The following CTNND2 variants were observed in gnomAD, a reference collection of about 807,000 sequenced individuals.
CTNND2 encodes the protein catenin delta-2.
CTNND2 carries 22 observed loss-of-function variants against 144.4 expected under a neutral mutation model. The ratio of observed to expected loss-of-function variants is 0.15; its 90% confidence interval spans 0.11 to 0.22. The LOEUF is 0.22. Among genes scored for constraint, CTNND2 ranks in the 10% least tolerant of loss-of-function variants. The probability of loss-of-function intolerance (pLI) is 1.00; values close to 1 mark genes in which losing one functional copy is unlikely to be tolerated. For synonymous variants in CTNND2, 751 were observed against 695.6 expected, an observed-to-expected ratio of 1.08 and a Z score of -1.25; for missense variants, 1,353 against 1,618.8, an observed-to-expected ratio of 0.84 and a Z score of 2.82.
chr5:11,353,060 GTCTTT>G (rs1169640341), intron 8 of CTNND2, among the ~76,000 whole-genome samples: 2 of 135,820 alleles, frequency 1.5e-5, no homozygotes, highest in African/African-American at 5.6e-5. Flanking sequence ...ATGATACACA[GTCTTT>G]TTTTTTTTTT....
intron 3 of CTNND2, among the ~76,000 whole-genome samples, chr5:11,552,070 C>T (rs114293247): frequency 0.011 from 1,666 of 152,308 alleles, 28 homozygotes; most frequent in African/African-American, 0.036. Flanking sequence ...GCCCTGCTGC[C>T]TCTGTCTTTA....
chr5:11,104,124 C>T (rs1752181060), intron 14 of CTNND2, among the ~76,000 whole-genome samples: 1 of 152,202 alleles, frequency 6.6e-6, no homozygotes, highest in South Asian at 2.1e-4. Flanking sequence ...GCGGAATGCA[C>T]CTCTATCACC....
chr5:11,720,287 GT>G (rs1786596496), intron 2 of CTNND2, among the ~76,000 whole-genome samples: 1 of 152,112 alleles, frequency 6.6e-6, no homozygotes, highest in Non-Finnish European at 1.5e-5. Context: ...CACTAGCAAT[GT>G]AAACCCCAAA....
chr5:11,002,693 C>T (rs1015303879), intron 18 of CTNND2, among the ~76,000 whole-genome samples: 3 of 152,178 alleles, frequency 2.0e-5, no homozygotes, highest in Non-Finnish European at 4.4e-5. Context: ...TCTGACCCTG[C>T]TCCTGGAAGA....
At chr5:11,837,869 T>C (rs1385089682) in intron 1 of CTNND2, among the ~76,000 whole-genome samples, 2 of 152,196 alleles carry the variant, frequency 1.3e-5, no homozygotes, top group Non-Finnish European at 2.9e-5. Context: ...TAGGTCATTT[T>C]TGGAGAAGAA....
chr5:11,691,373 AAAAATAAAATAAAAT>A (rs376221473), intron 2 of CTNND2, among the ~76,000 whole-genome samples: 38 of 146,322 alleles, frequency 2.6e-4, no homozygotes, highest in East Asian at 6.0e-4. Context: ...CTCTGTCTCA[AAAAATAAAATAAAAT>A]AAAATAAAAT....
chr5:11,236,956 T>C, intron 9 of CTNND2, 133 bp from the exon 10 acceptor site: 1 of 891,124 alleles, frequency 1.1e-6, no homozygotes, highest in South Asian at 1.7e-5. Flanking sequence ...TCTGGTTTTC[T>C]TACATGCAGA....
chr5:11,519,378 G>C lies in CTNND2; in HGVS notation c.287+45566C>G, dbSNP rs145648245. On this transcript the variant is annotated intron_variant, in intron 3 of 21. Transcript: ENST00000304623. ...GGCTTCCATGTTAGCACTTCCAATA[G>C]GTCTTGATTCATCTTACACATCTTC... Among the ~76,000 whole-genome samples the C allele has an allele frequency of 2.3e-4, 35 of 152,186 alleles. No homozygotes were observed. The East Asian group carries it at 6.8e-3, about 29-fold the overall frequency.
intron 1 of CTNND2, among the ~76,000 whole-genome samples, chr5:11,816,183 C>T (rs2126920257): frequency 6.6e-6 from 1 of 152,326 alleles, no homozygotes; most frequent in South Asian, 2.1e-4. Flanking sequence ...CCACCACGCC[C>T]AGGGCGAGGA....
chr5:11,647,030 T>G (rs1782391793), intron 2 of CTNND2, among the ~76,000 whole-genome samples: 1 of 152,176 alleles, frequency 6.6e-6, no homozygotes, highest in Admixed American at 6.5e-5. Flanking sequence ...CTCCTCCCCT[T>G]CCAGCACTTT....
intron 2 of CTNND2, among the ~76,000 whole-genome samples, chr5:11,660,672 C>A (rs954501097): frequency 2.0e-5 from 3 of 151,996 alleles, no homozygotes; most frequent in East Asian, 1.9e-4. Flanking sequence ...TGACATTGAA[C>A]GTGTTTCAAT....
At chr5:11,495,799 C>T (rs1769876859) in intron 3 of CTNND2, among the ~76,000 whole-genome samples, 2 of 152,132 alleles carry the variant, frequency 1.3e-5, no homozygotes, top group Admixed American at 1.3e-4. Flanking sequence ...AGTTCTGACT[C>T]CAGCAGCTCT....
intron 1 of CTNND2, among the ~76,000 whole-genome samples, chr5:11,739,300 T>G (rs1787866153): frequency 6.6e-6 from 1 of 152,116 alleles, no homozygotes; most frequent in Non-Finnish European, 1.5e-5. Flanking sequence ...CTGGTGGGCC[T>G]CCTGAAAGAT....
intron 1 of CTNND2, among the ~76,000 whole-genome samples, chr5:11,804,665 A>C (rs1791894142): frequency 6.6e-6 from 1 of 152,170 alleles, no homozygotes; most frequent in Admixed American, 6.5e-5. Flanking sequence ...GATGGCAAAA[A>C]ATAAAAATAA....
rs933450859 is a variant in CTNND2 at position 11,447,763 on chromosome 5, A to C, written c.288-35694T>G. Among the ~76,000 whole-genome samples, 4 of 152,202 alleles carry C rather than the reference A, an allele frequency of 2.6e-5. 1 individual carries two copies. The highest frequency in any genetic ancestry group is 5.9e-5 in the Non-Finnish European group (4 of 68,038). Reference sequence around the variant, plus strand: ...AAGTGCATTGCTATTTCAACAACTCAAGTGGTTGTTACAGCCTGAGTAGCA... The same window carrying C: ...AAGTGCATTGCTATTTCAACAACTCCAGTGGTTGTTACAGCCTGAGTAGCA... On this transcript the variant is annotated intron_variant, in intron 3 of 21. Transcript: ENST00000304623.
At chr5:11,850,975 A>T (rs1582002801) in intron 1 of CTNND2, among the ~76,000 whole-genome samples, 1 of 152,348 alleles carries the variant, frequency 6.6e-6, no homozygotes, top group Non-Finnish European at 1.5e-5. Flanking sequence ...TAAGTAAAGC[A>T]GATCACCAGC....
chr5:11,653,307 G>A (rs2466999), intron 2 of CTNND2, among the ~76,000 whole-genome samples: 53,679 of 151,798 alleles, frequency 0.35, 12,109 homozygotes, highest in African/African-American at 0.65. Flanking sequence ...TCTGTTTTTC[G>A]TTTTTTGAGA....
intron 6 of CTNND2, among the ~76,000 whole-genome samples, chr5:11,396,641 C>CT (rs962412314): frequency 6.6e-5 from 10 of 151,910 alleles, no homozygotes; most frequent in South Asian, 4.2e-4. Flanking sequence ...CAATCCCATG[C>CT]TTTTTTTTAG....
intron 1 of CTNND2, among the ~76,000 whole-genome samples, chr5:11,797,696 A>G (rs1791472090): frequency 6.6e-6 from 1 of 152,224 alleles, no homozygotes; most frequent in African/African-American, 2.4e-5. Context: ...AAACTTCTCA[A>G]CAAATGTTTG....
Sources: gnomAD v4.1 joint callset for allele counts (sites outside exome capture counted in the v4.1 genomes callset) on GRCh38, gnomAD v4.1.1 for gene constraint, MANE v1.5 for transcripts, NCBI Gene and HGNC (gene_info 2026-07-23, HGNC 2026-07-21) for gene names.